The following SLC4A11 variants were observed in gnomAD, a reference collection of about 807,000 sequenced individuals.
SLC4A11 encodes bicarbonate transporter related protein 1.
SLC4A11 carries 74 observed loss-of-function variants against 95.0 expected under a neutral mutation model. The ratio of observed to expected loss-of-function variants is 0.78; its 90% confidence interval spans 0.65 to 0.95. SLC4A11 has a LOEUF of 0.95. Ranked by LOEUF, SLC4A11 falls within the 40% of genes least tolerant of loss-of-function variation. SLC4A11 has a pLI of 0.00. For synonymous variants in SLC4A11, 548 were observed against 519.0 expected (o/e 1.06, Z -0.76); for missense variants, 1,081 against 1,192.4 (o/e 0.91, Z 1.38).
chr20:3,237,473 G>A, intron 2 of SLC4A11, 71 bp downstream of exon 2: 1 of 1,482,910 alleles, frequency 6.7e-7, no homozygotes, highest in Non-Finnish European at 9.4e-7. Flanking sequence ...CTGGTGGGTA[G>A]GCTATGCACC....
chr20:3,234,636 G>T lies in SLC4A11; in HGVS notation c.242-19C>A. On this transcript the variant is annotated intron_variant, in intron 3 of 19. Coordinates refer to ENST00000642402, the MANE Select transcript of SLC4A11 (RefSeq NM_001174089.2). The surrounding 1 kb of genome is among the most constrained non-coding windows in gnomAD (Gnocchi z 5.8). ...TCATTCTCTGCCGGAGAAAAGCGGGGAGGGCTCAGGGTGCCACCCTCTCCT... is the reference window on the plus strand; with the variant it reads ...TCATTCTCTGCCGGAGAAAAGCGGGTAGGGCTCAGGGTGCCACCCTCTCCT... The T allele has an allele frequency of 6.2e-7, 1 of 1,613,920 alleles. No homozygotes were observed. Among genetic ancestry groups the T allele is most frequent in the Non-Finnish European group, 8.5e-7 (1 of 1,180,016 alleles).
At chr20:3,238,703 C>A (rs998543157) in intron 1 of SLC4A11, 16 of 1,015,472 alleles carry the variant, frequency 1.6e-5, no homozygotes, top group Non-Finnish European at 1.9e-5. Flanking sequence ...GATGCCCGGG[C>A]GGAAGGTAAA....
Position 3,234,489 on chromosome 20 carries a change from G to T in SLC4A11, c.291+79C>A. 4 of 1,591,308 alleles carry T rather than the reference G, an allele frequency of 2.5e-6. No individual in the cohort carries two copies. The highest frequency in any genetic ancestry group is 2.2e-5 in the South Asian group (2 of 90,600). ...CTGGAGGCATGGGAAGAGGGGAGCAGCGGGAGGATTCTCAGGGAAGCCATC... is the reference window on the plus strand; with the variant it reads ...CTGGAGGCATGGGAAGAGGGGAGCATCGGGAGGATTCTCAGGGAAGCCATC... On this transcript the variant is annotated intron_variant, in intron 4 of 19. Transcript: ENST00000642402. This position sits in a 1 kb window ranked among gnomAD's most constrained non-coding sequence, Gnocchi z 5.8.
Position 3,234,142 on chromosome 20 carries a change from T to C in SLC4A11, c.464A>G (p.Asn155Ser). ...GAGCATGGCCATGAGCAGGTCCAGGTTGCAGTTGGGCTCATTGTTGTCAGG... is the reference window on the plus strand; with the variant it reads ...GAGCATGGCCATGAGCAGGTCCAGGCTGCAGTTGGGCTCATTGTTGTCAGG... The part of the protein sequence containing the change: ...RDPDNNEPNC[N>S]LDLLMAMLFT... The change falls in exon 5 of 20, where the codon AAC (asparagine) becomes AGC (serine). Residue 155 changes from asparagine (N) to serine (S), a missense_variant. Transcript: ENST00000642402. The surrounding 1 kb of genome is among the most constrained non-coding windows in gnomAD (Gnocchi z 5.8). 1 of 1,614,118 alleles carries C rather than the reference T, an allele frequency of 6.2e-7. No homozygotes were observed.
At chr20:3,229,044 C>A (rs747264771) in intron 16 of SLC4A11, 33 bp from the exon 17 acceptor site, 2 of 1,599,982 alleles carry the variant, frequency 1.3e-6, no homozygotes, top group East Asian at 4.5e-5. Flanking sequence ...GACAGAGCCC[C>A]ACAGCAGAGG....
chr20:3,237,800 G>T, intron 1 of SLC4A11: 1 of 1,595,246 alleles, frequency 6.3e-7, no homozygotes, highest in Non-Finnish European at 8.5e-7. Context: ...AAATTCAATT[G>T]CTTAGCCCAT....
chr20:3,238,319 G>A (rs1269576254), intron 1 of SLC4A11: 3 of 985,492 alleles, frequency 3.0e-6, no homozygotes, highest in Non-Finnish European at 1.2e-6. Flanking sequence ...GCGACAGGAG[G>A]GGCCGCGTGC....
intron 1 of SLC4A11, chr20:3,238,478 G>A (rs2122662643): frequency 9.8e-7 from 1 of 1,016,546 alleles, no homozygotes; most frequent in Non-Finnish European, 1.2e-6. Context: ...CGAGGGTCTG[G>A]GAGGGTTGGG....
intron 1 of SLC4A11, 112 bp from the exon 2 acceptor site, chr20:3,237,700 T>G (rs1399415044): frequency 6.2e-7 from 1 of 1,614,018 alleles, no homozygotes; most frequent in East Asian, 2.2e-5. Flanking sequence ...TTCCGAGGGA[T>G]GCAACCCACG....
intron 13 of SLC4A11, among the ~76,000 whole-genome samples, 182 bp from the exon 14 acceptor site, chr20:3,229,958 G>A (rs1274356772): frequency 2.6e-5 from 4 of 152,166 alleles, no homozygotes; most frequent in Non-Finnish European, 5.9e-5. Flanking sequence ...CATCACAGTC[G>A]GCCCAGTGCC....
intron 2 of SLC4A11, among the ~76,000 whole-genome samples, chr20:3,236,668 G>C (rs1017288703): frequency 3.9e-5 from 6 of 152,072 alleles, no homozygotes; most frequent in Admixed American, 3.9e-4. Flanking sequence ...CTTCCTCCCC[G>C]GGTCAGGCTT....
At chr20:3,228,144 C>CCCCATA in intron 19 of SLC4A11, 115 bp downstream of exon 19, 1 of 718,214 alleles carries the variant, frequency 1.4e-6, no homozygotes, top group Non-Finnish European at 2.4e-6. Flanking sequence ...GCACCCACCC[C>CCCCATA]AACCCGCCCA....
At position 3,234,310 on chromosome 20, in the gene SLC4A11, A is replaced by C; in HGVS notation, c.296T>G (p.Leu99Arg). 6.2e-7 allele frequency: 1 copy of C among 1,613,648 alleles called. No individual in the cohort carries two copies. The highest frequency in any genetic ancestry group is 8.5e-7 in the Non-Finnish European group (1 of 1,179,924). Residue 99 changes from leucine to arginine, a missense_variant, in exon 5 of 20, where the codon CTG becomes CGG. This residue lies in a region of SLC4A11 where 310 missense variants were observed against 313.5 expected (regional missense o/e 0.99). Coordinates refer to ENST00000642402, the MANE Select transcript of SLC4A11 (RefSeq NM_001174089.2). This position sits in a 1 kb window ranked among gnomAD's most constrained non-coding sequence, Gnocchi z 5.8. ...CTCTTCCTTGAAGTTCTTTAACTTC[A>C]GGTACTGAGGGGACCCCAGGGACAG... ...CVLLHTSRKY[L>R]KLKNFKEEIR...
At chr20:3,232,204 C>T (rs2122570339) in intron 7 of SLC4A11, among the ~76,000 whole-genome samples, 1 of 152,334 alleles carries the variant, frequency 6.6e-6, no homozygotes, top group South Asian at 2.1e-4. Flanking sequence ...GCACTGTCTG[C>T]TGGTTTGACT....
chr20:3,238,044 C>G, intron 1 of SLC4A11: 1 of 1,501,584 alleles, frequency 6.7e-7, no homozygotes, highest in Non-Finnish European at 8.9e-7. Flanking sequence ...CAGACCGGTC[C>G]TGGGGGCCAT....
intron 2 of SLC4A11, 150 bp from the exon 3 acceptor site, chr20:3,235,044 C>A: frequency 1.2e-6 from 1 of 859,432 alleles, no homozygotes; most frequent in Non-Finnish European, 1.8e-6. Flanking sequence ...AAGGCAGCTT[C>A]TAGTCCTGCC....
chr20:3,228,439 C>A lies in SLC4A11; in HGVS notation c.2389-11G>T, dbSNP rs903822348. 3.7e-6 allele frequency: 6 copies of A among 1,613,080 alleles called. No individual in the cohort carries two copies. Among genetic ancestry groups the A allele is most frequent in the Non-Finnish European group, 5.1e-6 (6 of 1,179,924 alleles). ...CGGGGGGTACGCAGTCTGTGGGCGG[C>A]AGGGACCGGGTGTGGGCAGGCATGG... is the stretch of plus-strand genomic sequence containing the variant. On this transcript the variant is annotated splice_polypyrimidine_tract_variant and intron_variant, in intron 18 of 19. Coordinates refer to ENST00000642402, the MANE Select transcript of SLC4A11 (RefSeq NM_001174089.2).
At position 3,231,127 on chromosome 20, in the gene SLC4A11, C is replaced by G; in HGVS notation, c.1042+22G>C. 1.2e-6 allele frequency: 2 copies of G among 1,614,160 alleles called. No individual in the cohort carries two copies. Among genetic ancestry groups the G allele is most frequent in the African/African-American group, 2.7e-5 (2 of 75,052 alleles). On this transcript the variant is annotated intron_variant, in intron 9 of 19. Coordinates refer to ENST00000642402, the MANE Select transcript of SLC4A11 (RefSeq NM_001174089.2). This position sits in a 1 kb window ranked among gnomAD's most constrained non-coding sequence, Gnocchi z 5.2. Reference sequence around the variant, plus strand: ...ACAGGCACACGTGTGGGCCCAAGGCCTGGAAAGCAGAGGCCACGTACCATC... The same window carrying G: ...ACAGGCACACGTGTGGGCCCAAGGCGTGGAAAGCAGAGGCCACGTACCATC...
At chr20:3,238,411 G>A in intron 1 of SLC4A11, 3 of 1,065,422 alleles carry the variant, frequency 2.8e-6, no homozygotes, top group African/African-American at 1.7e-5. Context: ...CGGGAGCCGG[G>A]GCTGCATCCT....
Sources: gnomAD v4.1 joint callset for allele counts (sites outside exome capture counted in the v4.1 genomes callset) on GRCh38, gnomAD v4.1.1 for gene constraint, gnomAD v4.1.1 regional missense constraint, Gnocchi (gnomAD v3.1) non-coding constraint, MANE v1.5 for transcripts, NCBI Gene and HGNC (gene_info 2026-07-23, HGNC 2026-07-21) for gene names.